The following GCN1 variants were observed in gnomAD, a reference collection of about 807,000 sequenced individuals.
The protein encoded by GCN1 is stalled ribosome sensor GCN1.
A neutral mutation model predicts 288.4 loss-of-function variants in GCN1; 90 were observed. The observed-to-expected ratio is 0.31, with a 90% CI of 0.26 to 0.37. GCN1 has a LOEUF of 0.37. GCN1 is among the 10% of genes least tolerant of loss of function. The pLI, the probability that GCN1 is intolerant of heterozygous loss-of-function variation, is 1.00. For synonymous variants in GCN1, 1,386 were observed against 1,420.2 expected (o/e 0.98, Z 0.54); for missense variants, 2,586 against 3,419.9 (o/e 0.76, Z 6.08).
rs757082891 is a variant in GCN1 at position 120,138,459 on chromosome 12, GCT to G, written c.6157-46_6157-45del. ...ACAACCCTGAGGAATCTGCATCTCT[GCT>G]GTCTCAACCAGCCACCGCCAACTTC... On this transcript the variant is annotated intron_variant, in intron 46 of 57. Transcript: ENST00000300648. 7.8e-6 allele frequency: 10 copies of G among 1,276,630 alleles called. No homozygotes were observed. The East Asian group carries it at 2.1e-4, about 26-fold the overall frequency. The allele number at this position is 1,276,630 out of a possible 1,614,324, so 79.1% of individuals were successfully genotyped here.
rs1335622331 is a variant in GCN1, at chr12:120,174,076, T to G, written c.1187A>C (p.Gln396Pro). Residue 396 changes from glutamine (Q) to proline (P), a missense_variant, in exon 13 of 58, where the codon CAG becomes CCG. By Grantham distance (76) the Gln-to-Pro change is moderately conservative. Transcript: ENST00000300648. ...ACCATGTTGCACAGAATTACCTTCCTGCTGAAGGAACGGGATGAACAGCTC... is the reference window on the plus strand; with the variant it reads ...ACCATGTTGCACAGAATTACCTTCCGGCTGAAGGAACGGGATGAACAGCTC... Reference protein sequence around the residue: ...VAELFIPFLQQEVHEGTLVHA... With the variant: ...VAELFIPFLQPEVHEGTLVHA... The G allele has an allele frequency of 1.3e-6, 2 of 1,572,790 alleles. No individual in the cohort carries two copies. The highest frequency in any genetic ancestry group is 1.7e-5 in the Admixed American group (1 of 59,960).
In GCN1 at chr12:120,137,475, A is replaced by C. The variant is rs890748503; in HGVS notation, c.6663+70T>G. 7.8e-6 allele frequency: 12 copies of C among 1,538,786 alleles called. No homozygotes were observed. Among genetic ancestry groups the C allele is most frequent in the Non-Finnish European group, 1.1e-5 (12 of 1,118,018 alleles). On this transcript the variant is annotated intron_variant, in intron 49 of 57. Coordinates refer to ENST00000300648, the MANE Select transcript of GCN1 (RefSeq NM_006836.2). The surrounding 1 kb of genome is among the most constrained non-coding windows in gnomAD (Gnocchi z 5.2). ...GACAGGTACGTGGGGGATTCTTATA[A>C]GTCTATTCCTGTAAATGTCTGGAAT... is the stretch of plus-strand genomic sequence containing the variant.
At position 120,155,393 on chromosome 12, in the gene GCN1, G is replaced by A; in HGVS notation, c.3478C>T (p.Leu1160Phe). 1.9e-6 allele frequency: 3 copies of A among 1,614,090 alleles called. No homozygotes were observed. Among genetic ancestry groups the A allele is most frequent in the Non-Finnish European group, 2.5e-6 (3 of 1,180,032 alleles). Reference protein sequence around the residue: ...SMMGLDLQPDLCSLLIDDVIY... With the variant: ...SMMGLDLQPDFCSLLIDDVIY... ...ACGTCGTCAATCAGCAAGGAGCAGA[G>A]GTCTGGCTGCAGGTCTAGGCCCATC... The change falls in exon 30 of 58, where the codon CTC becomes TTC. Residue 1160 changes from leucine to phenylalanine, a missense_variant. Physicochemically the swap from Leu to Phe is conservative, Grantham distance 22. Coordinates refer to ENST00000300648, the MANE Select transcript of GCN1 (RefSeq NM_006836.2). The surrounding 1 kb of genome is among the most constrained non-coding windows in gnomAD (Gnocchi z 4.9).
chr12:120,140,799 C>G (rs141557121), intron 45 of GCN1, 60 bp downstream of exon 45: 5 of 1,519,190 alleles, frequency 3.3e-6, no homozygotes, highest in Non-Finnish European at 4.5e-6. Flanking sequence ...AGCCCTCCCC[C>G]GCCCTCTGAG....
At chr12:120,159,608 C>T (rs778150567) in intron 24 of GCN1, among the ~76,000 whole-genome samples, 5 of 152,216 alleles carry the variant, frequency 3.3e-5, no homozygotes, top group Non-Finnish European at 7.3e-5. Flanking sequence ...ACCTACTCCT[C>T]AGAGGGAGGG....
chr12:120,142,881 C>T lies in GCN1; in HGVS notation c.5556G>A (p.Lys1852=). ...CCTCAGAGGCAGTTTCTGTGGTCAT[C>T]TTCCCAGTGACTCCTGAGATGTGAA... The part of the protein sequence containing the change: ...LLFHISGVTG[K]MTTETASEDD... The change falls in exon 43 of 58, where the codon AAG becomes AAA. Residue 1852 remains lysine (K), a synonymous_variant. Transcript: ENST00000300648. The surrounding 1 kb of genome is among the most constrained non-coding windows in gnomAD (Gnocchi z 4.9). The T allele has an allele frequency of 6.2e-7, 1 of 1,614,082 alleles. No individual in the cohort carries two copies. The highest frequency in any genetic ancestry group is 8.5e-7 in the Non-Finnish European group (1 of 1,179,930).
intron 5 of GCN1, among the ~76,000 whole-genome samples, chr12:120,183,033 C>T (rs941620281): frequency 6.6e-6 from 1 of 151,740 alleles, no homozygotes; most frequent in Non-Finnish European, 1.5e-5. Context: ...GCTCTGCTCA[C>T]CTCCCAACCT....
chr12:120,184,323 G>C (rs1436662923), intron 3 of GCN1, 80 bp from the exon 4 acceptor site: 3 of 1,265,916 alleles, frequency 2.4e-6, no homozygotes, highest in Non-Finnish European at 3.3e-6. Context: ...GCCATACACT[G>C]GTCTTTCTCA....
chr12:120,189,772 A>C (rs918707032), intron 2 of GCN1, among the ~76,000 whole-genome samples: 1 of 151,194 alleles, frequency 6.6e-6, no homozygotes, highest in Non-Finnish European at 1.5e-5. Context: ...TAAGATCAGG[A>C]GTTCAGGACC....
intron 5 of GCN1, among the ~76,000 whole-genome samples, chr12:120,182,368 C>T (rs961341195): frequency 6.6e-6 from 1 of 152,096 alleles, no homozygotes; most frequent in East Asian, 1.9e-4. Flanking sequence ...CCATGTTTGT[C>T]CCCAGAGGTG....
In GCN1 at chr12:120,147,121, G is replaced by C; in HGVS notation, c.4878C>G (p.Asp1626Glu). 1.2e-6 allele frequency: 2 copies of C among 1,610,880 alleles called. No individual in the cohort carries two copies. Among genetic ancestry groups the C allele is most frequent in the Non-Finnish European group, 1.7e-6 (2 of 1,177,720 alleles). ...IMPIVQRAFQDRSTDTRKMAA... is the reference protein window; with the variant it reads ...IMPIVQRAFQERSTDTRKMAA... ...CCATCTTCCGCGTGTCCGTGGAACG[G>C]TCCTGGAAGGCTCTCTGGACAATGG... Residue 1626 changes from aspartate to glutamate, a missense_variant, in exon 38 of 58, where the codon GAC becomes GAG. Physicochemically the swap from Asp to Glu is conservative, Grantham distance 45 (BLOSUM62 2). Around this residue, in one of 8 missense-constraint regions of GCN1, gnomAD observed 371 missense variants for 572.6 expected, o/e 0.65. Transcript: ENST00000300648.
At chr12:120,154,373 A>C (rs760659117) in intron 31 of GCN1, among the ~76,000 whole-genome samples, 1 of 152,226 alleles carries the variant, frequency 6.6e-6, no homozygotes, top group Non-Finnish European at 1.5e-5. Flanking sequence ...ATGGGCCCAT[A>C]CACCACCCTA....
chr12:120,132,662 C>T (rs571267143), intron 53 of GCN1, among the ~76,000 whole-genome samples: 9 of 152,344 alleles, frequency 5.9e-5, no homozygotes, highest in East Asian at 5.8e-4. Context: ...GGTACGCGAG[C>T]GGCTCCGTGC....
At chr12:120,129,245 C>T (rs770657729) in intron 57 of GCN1, 31 bp downstream of exon 57, 3 of 1,472,630 alleles carry the variant, frequency 2.0e-6, no homozygotes, top group Non-Finnish European at 2.9e-6. Context: ...ATGCTCACAG[C>T]ACATCCTGGT....
At chr12:120,170,013 A>G (rs915302491) in intron 15 of GCN1, among the ~76,000 whole-genome samples, 156 bp downstream of exon 15, 1 of 152,224 alleles carries the variant, frequency 6.6e-6, no homozygotes, top group Non-Finnish European at 1.5e-5. Context: ...CCCACTGCCC[A>G]TGCAACCATG....
chr12:120,163,741 T>TA (rs112705337), intron 18 of GCN1, among the ~76,000 whole-genome samples: 279 of 149,806 alleles, frequency 1.9e-3, no homozygotes, highest in African/African-American at 5.6e-3. Context: ...AACGCATTGT[T>TA]AAAAAAAAAA....
chr12:120,128,013 C>T (rs777624671), intron 57 of GCN1, 39 bp from the exon 58 acceptor site: 2 of 1,603,526 alleles, frequency 1.2e-6, no homozygotes, highest in South Asian at 2.2e-5. Flanking sequence ...ATAGTCAGAA[C>T]ATACGGCTGC....
chr12:120,133,689 G>C (rs1375266712), intron 53 of GCN1, among the ~76,000 whole-genome samples: 2 of 152,242 alleles, frequency 1.3e-5, no homozygotes, highest in African/African-American at 4.8e-5. Context: ...ATGAGAGGCA[G>C]ACAGAGAAAG....
At chr12:120,180,931 A>C (rs1202846566) in intron 5 of GCN1, among the ~76,000 whole-genome samples, 1 of 151,378 alleles carries the variant, frequency 6.6e-6, no homozygotes, top group African/African-American at 2.4e-5. Context: ...CGGAGCTTGC[A>C]CTGAGCCGAG....
Sources: gnomAD v4.1 joint callset for allele counts (sites outside exome capture counted in the v4.1 genomes callset) on GRCh38, gnomAD v4.1.1 for gene constraint, gnomAD v4.1.1 regional missense constraint, Gnocchi (gnomAD v3.1) non-coding constraint, MANE v1.5 for transcripts, NCBI Gene and HGNC (gene_info 2026-07-23, HGNC 2026-07-21) for gene names.